PLCH1: variants seen among roughly 807,000 people sequenced by gnomAD.
PLCH1 encodes phospholipase C eta 1.
PLCH1 carries 60 observed loss-of-function variants against 126.7 expected under a neutral mutation model. That is an observed-to-expected ratio of 0.47 (90% confidence interval 0.38 to 0.59). The LOEUF is 0.59. PLCH1 is among the 20% of genes least tolerant of loss of function. PLCH1 has a pLI of 0.00. For synonymous variants in PLCH1, 719 were observed against 734.9 expected (o/e 0.98, Z 0.35); for missense variants, 1,723 against 2,040.0 (o/e 0.84, Z 2.99).
intron 15 of PLCH1, among the ~76,000 whole-genome samples, chr3:155,496,351 T>C (rs965574468): frequency 1.1e-4 from 16 of 152,246 alleles, no homozygotes; most frequent in African/African-American, 3.9e-4. Flanking sequence ...AGGGCAATTG[T>C]TGTAAGAGTG....
chr3:155,558,783 C>G (rs1407091196), intron 8 of PLCH1, among the ~76,000 whole-genome samples: 2 of 152,092 alleles, frequency 1.3e-5, no homozygotes, highest in Non-Finnish European at 2.9e-5. Flanking sequence ...CTGACCATGG[C>G]TAACTGAAAC....
Position 155,482,120 on chromosome 3 carries a change from A to G in PLCH1, c.3906T>C (p.Thr1302=). Residue 1302 remains threonine (T), a synonymous_variant, in exon 23 of 23, where the codon ACT becomes ACC. Transcript: ENST00000460012. ...LESNLPGSPN[T]SRGWLPKSPT... is the part of the protein sequence containing the mutation. ...GACTTTTTGGTAACCAGCCACGAGA[A>G]GTATTAGGGGATCCAGGCAGGTTGC... The G allele has an allele frequency of 1.2e-6, 2 of 1,614,108 alleles. No individual in the cohort carries two copies. The highest frequency in any genetic ancestry group is 1.7e-6 in the Non-Finnish European group (2 of 1,179,992).
chr3:155,567,221 C>T (rs920457589), intron 7 of PLCH1, among the ~76,000 whole-genome samples: 21 of 152,138 alleles, frequency 1.4e-4, no homozygotes, highest in East Asian at 5.8e-4. Context: ...TACAGGCATG[C>T]GCCACCATGC....
chr3:155,699,609 T>C (rs1185889896), intron 2 of PLCH1, among the ~76,000 whole-genome samples: 1 of 152,210 alleles, frequency 6.6e-6, no homozygotes, highest in Non-Finnish European at 1.5e-5. Context: ...TGAAATCAAT[T>C]GGAACCCTAA....
At chr3:155,468,453 G>A (rs1302425133) in intron 21 of PLCH1, among the ~76,000 whole-genome samples, 1 of 152,056 alleles carries the variant, frequency 6.6e-6, no homozygotes, top group Non-Finnish European at 1.5e-5. Context: ...CAGACTGGCT[G>A]AATAATGAAA....
At chr3:155,700,430 A>G (rs1013786925) in intron 2 of PLCH1, among the ~76,000 whole-genome samples, 13 of 152,334 alleles carry the variant, frequency 8.5e-5, no homozygotes, top group Admixed American at 7.2e-4. Flanking sequence ...TTATCCCTAG[A>G]TAGTAAAAGA....
chr3:155,458,449 GGAAGGAAAGAAAGAAAGAAAGAAAGAAA>G (rs1712544371), intron 21 of PLCH1, among the ~76,000 whole-genome samples: 1 of 31,646 alleles, frequency 3.2e-5, no homozygotes, highest in Non-Finnish European at 5.1e-5. Context: ...AAGGAAGGAA[GGAAGGAAAGAAAGAAAGAAAGAAAGAAA>G]GAAAGAAAGA....
At chr3:155,603,379 G>A (rs56387986) in intron 2 of PLCH1, among the ~76,000 whole-genome samples, 74,368 of 152,018 alleles carry the variant, frequency 0.49, 21,252 homozygotes, top group Non-Finnish European at 0.65. Context: ...CATCAGGGCA[G>A]AAGTAAAGGG....
At chr3:155,697,880 C>T (rs6807567) in intron 2 of PLCH1, among the ~76,000 whole-genome samples, 1 of 152,034 alleles carries the variant, frequency 6.6e-6, no homozygotes, top group Non-Finnish European at 1.5e-5. Flanking sequence ...ATCACCTCAC[C>T]GCTGCTGACA....
intron 1 of PLCH1, among the ~76,000 whole-genome samples, chr3:155,714,629 A>C (rs569402478): frequency 4.9e-4 from 74 of 152,358 alleles, no homozygotes; most frequent in South Asian, 3.1e-3. Flanking sequence ...TCTCTAATGC[A>C]ATCAGGAGCT....
rs950723349 is a variant in PLCH1 at position 155,480,051 on chromosome 3, G to A, written c.*917C>T. On this transcript the variant is annotated 3_prime_UTR_variant, in exon 23 of 23. Transcript: ENST00000460012. ...CTAAAATAGAGTTGCTTGGTTCCCT[G>A]AAGGAAAAGGGTTTCTTCTAATTAT... 1 of 152,290 alleles carries A rather than the reference G, an allele frequency of 6.6e-6. No homozygotes were observed. Among genetic ancestry groups the A allele is most frequent in the African/African-American group, 2.4e-5 (1 of 41,370 alleles). The allele number at this position is 152,290 out of a possible 1,614,324, so 9.4% of individuals were successfully genotyped here. A position where few individuals can be genotyped will look rare whatever the true frequency, so the allele number is the denominator to read the frequency against.
At chr3:155,467,936 TAC>T (rs1712993215) in intron 21 of PLCH1, among the ~76,000 whole-genome samples, 1 of 152,156 alleles carries the variant, frequency 6.6e-6, no homozygotes, top group South Asian at 2.1e-4. Flanking sequence ...TAATAGTAAG[TAC>T]AGAGAAAAAC....
At chr3:155,699,297 A>C (rs1746084898) in intron 2 of PLCH1, among the ~76,000 whole-genome samples, 1 of 152,024 alleles carries the variant, frequency 6.6e-6, no homozygotes, top group African/African-American at 2.4e-5. Context: ...GGCTGGTCTC[A>C]AACTCCTGAC....
rs377394432 is a variant in PLCH1, at chr3:155,570,059, AT to A, written c.772-1736del. Among the ~76,000 whole-genome samples, 463 of 152,288 alleles carry A rather than the reference AT, an allele frequency of 3.0e-3. 2 individuals are homozygous for A. The highest frequency in any genetic ancestry group is 0.02 in the South Asian group (98 of 4,826). ...ACCGTAGAAGAATTAATGGGAAAAA[AT>A]AATCTACTTTCTACCAAAATTGAGG... On this transcript the variant is annotated intron_variant, in intron 6 of 22. Transcript: ENST00000460012.
chr3:155,589,866 T>C (rs1219568425), intron 4 of PLCH1, among the ~76,000 whole-genome samples: 1 of 152,214 alleles, frequency 6.6e-6, no homozygotes, highest in South Asian at 2.1e-4. Context: ...AATCAACTGA[T>C]CTTAACACAC....
intron 10 of PLCH1, among the ~76,000 whole-genome samples, chr3:155,546,604 A>C (rs1325523561): frequency 6.6e-6 from 1 of 152,232 alleles, no homozygotes; most frequent in Non-Finnish European, 1.5e-5. Flanking sequence ...CAAAAGAACA[A>C]GGCTGGAGGC....
chr3:155,654,747 C>T (rs1377988268), intron 2 of PLCH1, among the ~76,000 whole-genome samples: 2 of 152,160 alleles, frequency 1.3e-5, no homozygotes, highest in African/African-American at 4.8e-5. Flanking sequence ...GACTGGTCTC[C>T]CTGTCTCCTC....
At chr3:155,730,815 C>T (rs992146449) in intron 1 of PLCH1, among the ~76,000 whole-genome samples, 17 of 152,306 alleles carry the variant, frequency 1.1e-4, no homozygotes, top group African/African-American at 4.1e-4. Context: ...ACCCAGGTCA[C>T]CCATGCTTTA....
At chr3:155,516,668 C>G (rs2108253849) in intron 11 of PLCH1, among the ~76,000 whole-genome samples, 1 of 152,016 alleles carries the variant, frequency 6.6e-6, no homozygotes, top group Non-Finnish European at 1.5e-5. Context: ...ACACTGGGCC[C>G]CAGTGCAGGT....
Sources: gnomAD v4.1 joint callset for allele counts (sites outside exome capture counted in the v4.1 genomes callset) on GRCh38, gnomAD v4.1.1 for gene constraint, MANE v1.5 for transcripts, NCBI Gene and HGNC (gene_info 2026-07-23, HGNC 2026-07-21) for gene names.